The following KALRN variants were observed in gnomAD, a reference collection of about 807,000 sequenced individuals.
The protein encoded by KALRN is kalirin.
A neutral mutation model predicts 353.7 loss-of-function variants in KALRN; 70 were observed. That is an observed-to-expected ratio of 0.20 (90% CI 0.16 to 0.24). The LOEUF is 0.24. Ranked by LOEUF, KALRN falls within the 10% of genes least tolerant of loss-of-function variation. The pLI is 1.00. For missense variants in KALRN, 2,791 were observed against 3,756.7 expected (o/e 0.74, Z 6.72); for synonymous variants, 1,391 against 1,434.8 (o/e 0.97, Z 0.69).
intron 1 of KALRN, among the ~76,000 whole-genome samples, chr3:124,063,579 G>A: frequency 6.6e-6 from 1 of 152,188 alleles, no homozygotes; most frequent in East Asian, 1.9e-4. Flanking sequence ...GCAGCAAGCT[G>A]GAGGCAAACA....
chr3:124,623,392 T>TA (rs2079524643), intron 34 of KALRN, among the ~76,000 whole-genome samples: 58 of 45,402 alleles, frequency 1.3e-3, no homozygotes, highest in African/African-American at 9.1e-3. Context: ...ATATATATAT[T>TA]TATTTATACA....
intron 37 of KALRN, among the ~76,000 whole-genome samples, chr3:124,648,510 A>C (rs1458917146): frequency 1.3e-5 from 2 of 152,248 alleles, no homozygotes; most frequent in Non-Finnish European, 2.9e-5. Context: ...GTAGGAGCAC[A>C]GAGGATACCA....
chr3:124,263,051 CAA>C (rs373607649), intron 3 of KALRN, among the ~76,000 whole-genome samples: 77 of 152,244 alleles, frequency 5.1e-4, no homozygotes, highest in African/African-American at 1.8e-3. Flanking sequence ...GACTTTCTTC[CAA>C]ACTGAGATGT....
rs954120370 is a variant in KALRN, at chr3:124,334,631, C to T, written c.1647+136C>T. 4.7e-6 allele frequency: 3 copies of T among 634,454 alleles called. No homozygotes were observed. The highest frequency in any genetic ancestry group is 8.4e-6 in the Non-Finnish European group (3 of 357,340). 39.3% of individuals were successfully genotyped at this position (634,454 alleles called of 1,614,324 possible). A position where few individuals can be genotyped will look rare whatever the true frequency, so the allele number is the denominator to read the frequency against. ...TAATGAAATTCAGCTCTCAACTGCT[C>T]CACAGAACCCTACCAAAACACAGAA... On this transcript the variant is annotated intron_variant, in intron 9 of 59. Coordinates refer to ENST00000682506, the MANE Select transcript of KALRN (RefSeq NM_001388419.1). This position sits in a 1 kb window ranked among gnomAD's most constrained non-coding sequence, Gnocchi z 4.2.
chr3:124,591,044 G>C (rs1459967223), intron 34 of KALRN, among the ~76,000 whole-genome samples: 5 of 152,124 alleles, frequency 3.3e-5, no homozygotes, highest in African/African-American at 1.2e-4. Flanking sequence ...CTCTAAATCG[G>C]GTGTTGACTG....
chr3:124,685,953 T>C (rs1418583610), intron 51 of KALRN, among the ~76,000 whole-genome samples: 1 of 151,916 alleles, frequency 6.6e-6, no homozygotes, highest in Non-Finnish European at 1.5e-5. Flanking sequence ...ACCCCCATGC[T>C]GTCAAAGTTC....
chr3:124,241,186 T>A (rs1469588015), intron 3 of KALRN, among the ~76,000 whole-genome samples: 1 of 152,232 alleles, frequency 6.6e-6, no homozygotes, highest in African/African-American at 2.4e-5. Context: ...CTGGGTTTTA[T>A]GTTTATCCTT....
chr3:124,417,635 A>G (rs1156477909), intron 14 of KALRN, among the ~76,000 whole-genome samples: 1 of 152,160 alleles, frequency 6.6e-6, no homozygotes, highest in Non-Finnish European at 1.5e-5. Context: ...TGTGAGGATC[A>G]CTCTTCTCCT....
intron 34 of KALRN, among the ~76,000 whole-genome samples, chr3:124,609,410 T>C (rs1184843641): frequency 6.6e-6 from 1 of 152,170 alleles, no homozygotes; most frequent in East Asian, 1.9e-4. Flanking sequence ...CCTGAGTTTG[T>C]GGAAGTCCTA....
At chr3:124,037,195 GT>G (rs2039507413) in intron 1 of KALRN, among the ~76,000 whole-genome samples, 1 of 152,260 alleles carries the variant, frequency 6.6e-6, no homozygotes, top group Non-Finnish European at 1.5e-5. Flanking sequence ...ATTCGAAGTG[GT>G]CTCTGTCCTC....
At chr3:124,214,058 A>G (rs2077108936) in intron 1 of KALRN, among the ~76,000 whole-genome samples, 1 of 152,222 alleles carries the variant, frequency 6.6e-6, no homozygotes, top group African/African-American at 2.4e-5. Flanking sequence ...AATAAATAAG[A>G]AAAATCTGAC....
intron 33 of KALRN, among the ~76,000 whole-genome samples, chr3:124,516,274 C>A (rs145350798): frequency 6.6e-6 from 1 of 152,062 alleles, no homozygotes; most frequent in Non-Finnish European, 1.5e-5. Flanking sequence ...GATTAAGAAC[C>A]GCTTTGAAGT....
intron 11 of KALRN, among the ~76,000 whole-genome samples, chr3:124,388,474 G>T (rs1209033781): frequency 1.3e-5 from 2 of 152,080 alleles, no homozygotes; most frequent in African/African-American, 2.4e-5. Context: ...TACACACGTG[G>T]CATTAGATGT....
chr3:124,671,933 T>C, intron 48 of KALRN, 35 bp downstream of exon 48: 1 of 1,452,022 alleles, frequency 6.9e-7, no homozygotes, highest in Non-Finnish European at 9.7e-7. Context: ...CCCTTGTCAC[T>C]ACGATGGCAT....
chr3:124,494,946 T>C (rs1177150952), intron 32 of KALRN, among the ~76,000 whole-genome samples: 1 of 152,216 alleles, frequency 6.6e-6, no homozygotes, highest in African/African-American at 2.4e-5. Flanking sequence ...CCTGTGCTAA[T>C]TCACCCAACT....
At chr3:124,460,871 G>A (rs997449921) in intron 23 of KALRN, among the ~76,000 whole-genome samples, 1 of 152,198 alleles carries the variant, frequency 6.6e-6, no homozygotes, top group Non-Finnish European at 1.5e-5. Flanking sequence ...GAGGCCCAAG[G>A]AGGAAGAGAA....
intron 13 of KALRN, among the ~76,000 whole-genome samples, chr3:124,411,321 C>T (rs1386529080): frequency 6.7e-6 from 1 of 148,668 alleles, no homozygotes; most frequent in African/African-American, 2.5e-5. Flanking sequence ...GAACTGAATG[C>T]TTAAAATATG....
chr3:124,518,588 C>G, intron 33 of KALRN: 1 of 1,587,734 alleles, frequency 6.3e-7, no homozygotes, highest in Non-Finnish European at 8.6e-7. Flanking sequence ...TGGGGTGCAG[C>G]CTTTGCTCAG....
intron 3 of KALRN, among the ~76,000 whole-genome samples, chr3:124,237,957 T>C (rs4321476): frequency 0.89 from 134,678 of 152,130 alleles, 60,843 homozygotes; most frequent in Non-Finnish European, 0.99. Flanking sequence ...GCAAACTTAA[T>C]GGCCATTTGG....
Sources: gnomAD v4.1 joint callset for allele counts (sites outside exome capture counted in the v4.1 genomes callset) on GRCh38, gnomAD v4.1.1 for gene constraint, Gnocchi (gnomAD v3.1) non-coding constraint, MANE v1.5 for transcripts, NCBI Gene and HGNC (gene_info 2026-07-23, HGNC 2026-07-21) for gene names.